Variants in DLEC1 observed in about 807,000 individuals in gnomAD.
The protein encoded by DLEC1 is deleted in lung and esophageal cancer protein 1.
Under a neutral mutation model 198.1 loss-of-function variants are expected in DLEC1, and 146 were observed. The observed-to-expected ratio is 0.74, with a 90% CI of 0.64 to 0.85. The LOEUF (loss-of-function observed/expected upper bound fraction) is 0.85. Among genes scored for constraint, DLEC1 ranks in the 40% least tolerant of loss-of-function variants. DLEC1 has a pLI of 0.00. For synonymous variants in DLEC1, 897 were observed against 866.8 expected, an observed-to-expected ratio of 1.03 and a Z score of -0.61; for missense variants, 2,233 against 2,220.0, an observed-to-expected ratio of 1.01 and a Z score of -0.12.
chr3:38,098,085 C>T (rs1297485593), intron 18 of DLEC1, among the ~76,000 whole-genome samples, 183 bp downstream of exon 18: 1 of 152,246 alleles, frequency 6.6e-6, no homozygotes, highest in Admixed American at 6.5e-5. Context: ...CTCAGCTCCT[C>T]TCTACAGCCA....
At chr3:38,087,009 G>A (rs190260942) in intron 9 of DLEC1, among the ~76,000 whole-genome samples, 167 of 151,878 alleles carry the variant, frequency 1.1e-3, no homozygotes, top group African/African-American at 3.9e-3. Flanking sequence ...GGGAGGTGGA[G>A]GTTGCAGTGA....
rs754259341 is a variant in DLEC1 at position 38,062,634 on chromosome 3, G to C, written c.927G>C (p.Gln309His). 1.2e-6 allele frequency: 2 copies of C among 1,614,162 alleles called. No homozygotes were observed. The highest frequency in any genetic ancestry group is 8.5e-7 in the Non-Finnish European group (1 of 1,180,032). The change falls in exon 5 of 37, where the codon CAG becomes CAC. Residue 309 changes from glutamine to histidine, a missense_variant. Gln to His is a conservative substitution (Grantham distance 24). Coordinates refer to ENST00000308059, the MANE Select transcript of DLEC1 (RefSeq NM_007335.4). Reference protein sequence around the residue: ...KNWMNHLRVPQRELDRLLLAR... With the variant: ...KNWMNHLRVPHRELDRLLLAR... ...GGATGAACCACTTACGTGTGCCACA[G>C]AGAGAGCTAGACAGACTTCTGCTTG... is the stretch of plus-strand genomic sequence containing the variant.
At chr3:38,121,040 T>C (rs1700427937) in intron 34 of DLEC1, among the ~76,000 whole-genome samples, 1 of 152,076 alleles carries the variant, frequency 6.6e-6, no homozygotes, top group South Asian at 2.1e-4. Flanking sequence ...CACCAGGCCG[T>C]AGTGTGGAGG....
intron 7 of DLEC1, among the ~76,000 whole-genome samples, chr3:38,084,959 CA>C (rs547246214): frequency 2.2e-4 from 34 of 152,268 alleles, no homozygotes; most frequent in African/African-American, 8.2e-4. Flanking sequence ...CTGATCATGT[CA>C]CCCCGTTCAG....
chr3:38,095,824 G>C, intron 13 of DLEC1, 64 bp from the exon 14 acceptor site: 1 of 1,601,658 alleles, frequency 6.2e-7, no homozygotes, highest in Non-Finnish European at 8.5e-7. Context: ...CCATGCCCCA[G>C]CCTTCTCCAG....
At chr3:38,063,753 T>C in intron 5 of DLEC1, 88 bp from the exon 6 acceptor site, 1 of 989,526 alleles carries the variant, frequency 1.0e-6, no homozygotes, top group East Asian at 2.5e-5. Context: ...CTTTATGTAT[T>C]TATTTTTACA....
At chr3:38,084,297 GTATTAGTAGTAA>G in intron 7 of DLEC1, 52 bp downstream of exon 7, 1 of 1,500,582 alleles carries the variant, frequency 6.7e-7, no homozygotes, top group Non-Finnish European at 9.3e-7. Flanking sequence ...AGTAGTGGTG[GTATTAGTAGTAA>G]TAGTAGTAGT....
In DLEC1 at chr3:38,122,504, T is replaced by C. The variant is rs898774057; in HGVS notation, c.*92T>C. ...AGCTCTTCAGCACAAAGACACAGAC[T>C]TGGGGACCTGGGGACCTCTGGGCAG... On this transcript the variant is annotated 3_prime_UTR_variant, in exon 37 of 37. Transcript: ENST00000308059. 2.1e-5 allele frequency: 34 copies of C among 1,612,544 alleles called. No individual in the cohort carries two copies. In the South Asian group the frequency reaches 3.2e-4, roughly 15 times the overall value.
In DLEC1 at chr3:38,092,741, G is replaced by A. The variant is rs199842343; in HGVS notation, c.1666-49G>A. On this transcript the variant is annotated intron_variant, in intron 10 of 36. Coordinates refer to ENST00000308059, the MANE Select transcript of DLEC1 (RefSeq NM_007335.4). The stretch of plus-strand genomic sequence containing the variant: ...AGGAGGAGGGTGGGAGGCGGGGAGG[G>A]TGGAAGCCCTTTAATGGGAGGTAAC... 3.2e-5 allele frequency: 49 copies of A among 1,554,080 alleles called. No homozygotes were observed. The African/African-American group carries it at 5.3e-4, about 17-fold the overall frequency.
chr3:38,048,025 A>G (rs193169291), intron 2 of DLEC1, among the ~76,000 whole-genome samples: 39 of 152,336 alleles, frequency 2.6e-4, no homozygotes, highest in Non-Finnish European at 3.7e-4. Context: ...TGGTTGTTTT[A>G]GTATCATTGT....
At chr3:38,090,001 T>A (rs1176365832) in intron 10 of DLEC1, among the ~76,000 whole-genome samples, 5 of 151,718 alleles carry the variant, frequency 3.3e-5, no homozygotes, top group Non-Finnish European at 5.9e-5. Flanking sequence ...AACATAGTGA[T>A]ATACTGTCTG....
intron 6 of DLEC1, among the ~76,000 whole-genome samples, chr3:38,067,602 A>G (rs1697093123): frequency 6.6e-6 from 1 of 152,154 alleles, no homozygotes; most frequent in Admixed American, 6.5e-5. Context: ...GTTGGGGTTG[A>G]TGCTGTTGAT....
chr3:38,055,900 C>G (rs1696337173), intron 2 of DLEC1, among the ~76,000 whole-genome samples: 1 of 152,102 alleles, frequency 6.6e-6, no homozygotes, highest in Non-Finnish European at 1.5e-5. Flanking sequence ...TTAACAAGGT[C>G]CTAAATGCCC....
At chr3:38,099,536 G>A (rs937252642) in intron 18 of DLEC1, among the ~76,000 whole-genome samples, 1 of 152,168 alleles carries the variant, frequency 6.6e-6, no homozygotes, top group Non-Finnish European at 1.5e-5. Context: ...ACGCAGAGCT[G>A]CTGAAACCCA....
intron 19 of DLEC1, among the ~76,000 whole-genome samples, chr3:38,101,807 G>A (rs1482558970): frequency 1.3e-5 from 2 of 152,140 alleles, no homozygotes; most frequent in Non-Finnish European, 2.9e-5. Context: ...TGGTCCTTCA[G>A]GGCAATTTGC....
intron 23 of DLEC1, 30 bp from the exon 24 acceptor site, chr3:38,111,647 G>T (rs1699883660): frequency 1.2e-6 from 2 of 1,606,964 alleles, no homozygotes; most frequent in South Asian, 1.1e-5. Context: ...TGTCTGACTT[G>T]ATACTATTTC....
At chr3:38,087,936 G>A (rs919929535) in intron 9 of DLEC1, among the ~76,000 whole-genome samples, 5 of 152,204 alleles carry the variant, frequency 3.3e-5, no homozygotes, top group African/African-American at 1.2e-4. Context: ...AATGTGCTTT[G>A]GGAGCCCAGG....
At chr3:38,109,629 C>T in intron 22 of DLEC1, 67 bp downstream of exon 22, 1 of 1,606,502 alleles carries the variant, frequency 6.2e-7, no homozygotes, top group Non-Finnish European at 8.5e-7. Context: ...CGCCCAGGAC[C>T]AGCACGGCAC....
chr3:38,107,798 G>A, intron 20 of DLEC1, 61 bp downstream of exon 20: 1 of 1,566,798 alleles, frequency 6.4e-7, no homozygotes, highest in Non-Finnish European at 8.7e-7. Context: ...GGCCCACATA[G>A]AGGGGGGCAT....
Sources: gnomAD v4.1 joint callset for allele counts (sites outside exome capture counted in the v4.1 genomes callset) on GRCh38, gnomAD v4.1.1 for gene constraint, MANE v1.5 for transcripts, NCBI Gene and HGNC (gene_info 2026-07-23, HGNC 2026-07-21) for gene names.